The following SIGLECL1 variants were observed in gnomAD, a reference collection of about 807,000 sequenced individuals.
SIGLECL1 encodes the protein SIGLEC family-like protein 1.
In SIGLECL1, 16 loss-of-function variants were observed where a neutral mutation model predicts 19.1. That is an observed-to-expected ratio of 0.84 (90% CI 0.57 to 1.27). The LOEUF (loss-of-function observed/expected upper bound fraction) is 1.27, where lower values mean the gene tolerates loss of function less well. Ranked by LOEUF, SIGLECL1 falls within the 50% of genes most tolerant of loss-of-function variation. SIGLECL1 has a pLI of 0.00. For synonymous variants in SIGLECL1, 89 were observed against 90.4 expected, an observed-to-expected ratio of 0.98 and a Z score of 0.09; for missense variants, 210 against 239.4, an observed-to-expected ratio of 0.88 and a Z score of 0.81.
intron 1 of SIGLECL1, among the ~76,000 whole-genome samples, chr19:51,260,287 G>A (rs1983117226): frequency 6.6e-6 from 1 of 152,116 alleles, no homozygotes; most frequent in East Asian, 1.9e-4. Context: ...TACTACTTGT[G>A]TGTGCGTTCT....
At chr19:51,257,959 T>A (rs1485698904) in intron 1 of SIGLECL1, 1 of 152,226 alleles carries the variant, frequency 6.6e-6, no homozygotes, top group Non-Finnish European at 1.5e-5. Context: ...CCAGGAAAGC[T>A]AAGTTATGCT....
intron 1 of SIGLECL1, among the ~76,000 whole-genome samples, chr19:51,263,166 A>G (rs1002617053): frequency 2.0e-5 from 3 of 152,100 alleles, no homozygotes; most frequent in Non-Finnish European, 4.4e-5. Flanking sequence ...GGAATTGATC[A>G]TTTTTTTGAG....
At chr19:51,259,302 T>C (rs1189685452) in intron 1 of SIGLECL1, among the ~76,000 whole-genome samples, 1 of 152,214 alleles carries the variant, frequency 6.6e-6, no homozygotes, top group East Asian at 1.9e-4. Flanking sequence ...AAATGTATTA[T>C]GAGGAAAGAT....
At chr19:51,263,647 A>T (rs1983400324) in intron 1 of SIGLECL1, among the ~76,000 whole-genome samples, 1 of 152,160 alleles carries the variant, frequency 6.6e-6, no homozygotes, top group Non-Finnish European at 1.5e-5. Flanking sequence ...AATTCCAGCT[A>T]CTCGGGAGGC....
In SIGLECL1 at chr19:51,265,799, G is replaced by A. The variant is rs1481946894; in HGVS notation, c.327G>A (p.Gln109=). 5 of 1,614,190 alleles carry A rather than the reference G, an allele frequency of 3.1e-6. No individual in the cohort carries two copies. Among genetic ancestry groups the A allele is most frequent in the African/African-American group, 1.3e-5 (1 of 75,026 alleles). The stretch of plus-strand genomic sequence containing the variant: ...CAGGAAAGAGTTCTTTGGCTGCCCA[G>A]GCCTTCGTGAAAGGGCTGATCCAGG... The part of the protein sequence containing the change: ...LMSRKSSLAA[Q]AFVKGLIQGA... Residue 109 remains glutamine (Q), a synonymous_variant, in exon 4 of 6, where the codon CAG becomes CAA. Transcript: ENST00000601727.
chr19:51,267,433 C>T lies in SIGLECL1; in HGVS notation c.471C>T (p.Ser157=). The change falls in exon 5 of 6, where the codon AGC becomes AGT. Residue 157 remains serine, a synonymous_variant. Coordinates refer to ENST00000601727, the MANE Select transcript of SIGLECL1 (RefSeq NM_001385465.1). The part of the protein sequence containing the change: ...KKAAAIRAKK[S]SKVRASQELE... ...CTGCAGCGATCAGAGCAAAAAAGAG[C>T]TCTAAAGTCAGAGCAAGCCAAGAAC... 6.2e-7 allele frequency: 1 copy of T among 1,614,096 alleles called. No homozygotes were observed. Among genetic ancestry groups the T allele is most frequent in the Non-Finnish European group, 8.5e-7 (1 of 1,180,044 alleles).
chr19:51,267,349 C>T (rs760353277), intron 4 of SIGLECL1, 24 bp from the exon 5 acceptor site: 1 of 1,604,266 alleles, frequency 6.2e-7, no homozygotes, highest in Admixed American at 1.7e-5. Flanking sequence ...AGAGCCAGAA[C>T]CAATCCAAGG....
chr19:51,259,084 T>C (rs1356717886), intron 1 of SIGLECL1, among the ~76,000 whole-genome samples: 1 of 152,074 alleles, frequency 6.6e-6, no homozygotes, highest in East Asian at 1.9e-4. Flanking sequence ...AGTAGTAAAA[T>C]AGTCAGGGGA....
At chr19:51,265,914 C>G (rs773426795) in intron 4 of SIGLECL1, 32 bp downstream of exon 4, 5 of 1,607,496 alleles carry the variant, frequency 3.1e-6, no homozygotes, top group Non-Finnish European at 4.3e-6. Flanking sequence ...CACCCGCAAG[C>G]CTACTACCGG....
At chr19:51,259,312 T>C (rs1466517361) in intron 1 of SIGLECL1, among the ~76,000 whole-genome samples, 2 of 152,258 alleles carry the variant, frequency 1.3e-5, no homozygotes, top group South Asian at 2.1e-4. Flanking sequence ...TGAGGAAAGA[T>C]ATTGTGTCCA....
upstream of SIGLECL1, among the ~76,000 whole-genome samples, chr19:51,247,207 G>A (rs1982291125): frequency 6.6e-6 from 1 of 152,124 alleles, no homozygotes; most frequent in Admixed American, 6.5e-5. Context: ...GCGTCTCTAG[G>A]TTGTACACAC....
At chr19:51,250,155 C>T (rs540554662), upstream of SIGLECL1, among the ~76,000 whole-genome samples, 3 of 151,514 alleles carry the variant, frequency 2.0e-5, no homozygotes, top group East Asian at 3.9e-4. Flanking sequence ...GGTGCAATCT[C>T]GGCTCACTGC....
At chr19:51,258,773 G>T (rs1304481113) in intron 1 of SIGLECL1, among the ~76,000 whole-genome samples, 3 of 152,202 alleles carry the variant, frequency 2.0e-5, no homozygotes, top group African/African-American at 7.2e-5. Flanking sequence ...ATTAAGAAAT[G>T]AGATGAGTTA....
At position 51,263,893 on chromosome 19, in the gene SIGLECL1, C is replaced by T. The variant is rs1983431553; in HGVS notation, c.-180C>T. 3.1e-6 allele frequency: 2 copies of T among 648,334 alleles called. No homozygotes were observed. Among genetic ancestry groups the T allele is most frequent in the East Asian group, 2.9e-5 (1 of 33,930 alleles). 40.2% of individuals were successfully genotyped at this position (648,334 alleles called of 1,614,324 possible). A position where few individuals can be genotyped will look rare whatever the true frequency, so the allele number is the denominator to read the frequency against. On this transcript the variant is annotated 5_prime_UTR_variant, in exon 2 of 6. Transcript: ENST00000601727. ...TTCCTGCTTCTCCAGGTGAACAGGCCTTCACGATGACCAGAGACAGAAGCC... is the reference window on the plus strand; with the variant it reads ...TTCCTGCTTCTCCAGGTGAACAGGCTTTCACGATGACCAGAGACAGAAGCC...
At chr19:51,254,161 A>G (rs543223485) in intron 1 of SIGLECL1, among the ~76,000 whole-genome samples, 1 of 152,174 alleles carries the variant, frequency 6.6e-6, no homozygotes, top group African/African-American at 2.4e-5. Context: ...CTCTCTCTAC[A>G]GAAAATATTT....
At chr19:51,264,153 G>A in intron 2 of SIGLECL1, 59 bp downstream of exon 2, 1 of 1,608,280 alleles carries the variant, frequency 6.2e-7, no homozygotes, top group South Asian at 1.1e-5. Context: ...TCCAGGGCCT[G>A]GGTGTTGGCA....
chr19:51,266,457 A>G (rs1345327890), intron 4 of SIGLECL1, among the ~76,000 whole-genome samples: 1 of 151,932 alleles, frequency 6.6e-6, no homozygotes, highest in Non-Finnish European at 1.5e-5. Flanking sequence ...TTTTGTTTTT[A>G]TACTTGGCTC....
chr19:51,263,542 C>T (rs527286132), intron 1 of SIGLECL1, among the ~76,000 whole-genome samples: 10 of 152,188 alleles, frequency 6.6e-5, no homozygotes, highest in African/African-American at 1.2e-4. Context: ...GAGGCCAAGG[C>T]GGGTCAGGTG....
intron 1 of SIGLECL1, among the ~76,000 whole-genome samples, chr19:51,253,803 A>G (rs1369915572): frequency 6.6e-6 from 1 of 152,234 alleles, no homozygotes; most frequent in East Asian, 1.9e-4. Context: ...TCTGAAATCT[A>G]TGAACGTAAC....
Sources: allele counts gnomAD v4.1 joint callset (sites outside exome capture counted in the v4.1 genomes callset), GRCh38; gene constraint gnomAD v4.1.1; transcripts MANE v1.5; gene names NCBI Gene and HGNC (gene_info 2026-07-23, HGNC 2026-07-21).